PDE3A: variants seen among roughly 807,000 people sequenced by gnomAD.
PDE3A encodes phosphodiesterase 3A.
In PDE3A, 43 loss-of-function variants were observed where a neutral mutation model predicts 98.3. That is an observed-to-expected ratio of 0.44 (90% CI 0.34 to 0.56). The LOEUF is 0.56. Ranked by LOEUF, PDE3A falls within the 20% of genes least tolerant of loss-of-function variation. PDE3A has a pLI of 0.01. For missense variants in PDE3A, 1,427 were observed against 1,440.7 expected, an observed-to-expected ratio of 0.99 and a Z score of 0.15; for synonymous variants, 663 against 567.9, an observed-to-expected ratio of 1.17 and a Z score of -2.38.
rs759905664 is a variant in PDE3A at position 20,613,439 on chromosome 12, T to G, written c.1012-4T>G. ...GCCTGATCTTGTCTTGGTTTGTGTC[T>G]CAGTCTTCAGGAACCAGTATTACTG... On this transcript the variant is annotated splice_region_variant and splice_polypyrimidine_tract_variant and intron_variant, in intron 2 of 15. Transcript: ENST00000359062. 6.2e-7 allele frequency: 1 copy of G among 1,613,986 alleles called. No homozygotes were observed. Among genetic ancestry groups the G allele is most frequent in the Non-Finnish European group, 8.5e-7 (1 of 1,179,874 alleles).
chr12:20,603,557 TATTTA>T (rs1203819601), intron 2 of PDE3A, among the ~76,000 whole-genome samples: 9 of 147,650 alleles, frequency 6.1e-5, no homozygotes, highest in African/African-American at 8.1e-5. Context: ...TTTATTTATT[TATTTA>T]ATTTATTTAT....
intron 2 of PDE3A, among the ~76,000 whole-genome samples, chr12:20,572,598 T>C (rs971034390): frequency 6.6e-6 from 1 of 152,040 alleles, no homozygotes; most frequent in Non-Finnish European, 1.5e-5. Flanking sequence ...TTTTTCCTAT[T>C]TTCCTCGTGG....
At chr12:20,543,260 G>A (rs373727729) in intron 1 of PDE3A, among the ~76,000 whole-genome samples, 1 of 148,644 alleles carries the variant, frequency 6.7e-6, no homozygotes. Flanking sequence ...TGGTTTGTTT[G>A]TTTTTTTTTT....
At chr12:20,671,272 A>G (rs1945472935) in intron 15 of PDE3A, among the ~76,000 whole-genome samples, 3 of 150,426 alleles carry the variant, frequency 2.0e-5, no homozygotes, top group African/African-American at 7.4e-5. Flanking sequence ...CCAGAGGTAC[A>G]AGGAGGAACT....
At chr12:20,600,716 C>G (rs1300671690) in intron 2 of PDE3A, among the ~76,000 whole-genome samples, 4 of 152,152 alleles carry the variant, frequency 2.6e-5, no homozygotes, top group Non-Finnish European at 4.4e-5. Context: ...GTTTTCTGGA[C>G]AGTGCTTATT....
intron 1 of PDE3A, among the ~76,000 whole-genome samples, chr12:20,417,525 G>A (rs750583108): frequency 1.1e-4 from 17 of 152,146 alleles, no homozygotes; most frequent in Non-Finnish European, 2.1e-4. Context: ...CCAAAAGCCT[G>A]GACTTTTGTC....
At chr12:20,567,724 G>T (rs563726342) in intron 2 of PDE3A, among the ~76,000 whole-genome samples, 1 of 151,624 alleles carries the variant, frequency 6.6e-6, no homozygotes, top group South Asian at 2.1e-4. Context: ...TTTACATAAG[G>T]ACTTTAATAG....
At chr12:20,657,033 A>G (rs1945058921) in intron 15 of PDE3A, among the ~76,000 whole-genome samples, 10 of 152,208 alleles carry the variant, frequency 6.6e-5, no homozygotes, top group Admixed American at 6.5e-4. Flanking sequence ...AAGTTAACTG[A>G]CCACATTATA....
In PDE3A at chr12:20,569,761, T is replaced by A. The variant is rs531179128; in HGVS notation, c.1011+13051T>A. Among the ~76,000 whole-genome samples, 13 of 152,266 alleles carry A rather than the reference T, an allele frequency of 8.5e-5. No homozygotes were observed. The East Asian group carries it at 2.3e-3, about 27-fold the overall frequency. ...TTTAATAAAACTTCAGTGTGCAAAG[T>A]ACCTGCGTATTTGTTCATAAGCAAA... On this transcript the variant is annotated intron_variant, in intron 2 of 15. Coordinates refer to ENST00000359062, the MANE Select transcript of PDE3A (RefSeq NM_000921.5).
At chr12:20,567,453 C>G (rs1467141415) in intron 2 of PDE3A, among the ~76,000 whole-genome samples, 1 of 151,906 alleles carries the variant, frequency 6.6e-6, no homozygotes, top group East Asian at 1.9e-4. Context: ...GTCCATGATA[C>G]CTTATTGTAG....
chr12:20,389,067 A>C (rs1482006955), intron 1 of PDE3A, among the ~76,000 whole-genome samples: 6 of 152,060 alleles, frequency 3.9e-5, no homozygotes, highest in African/African-American at 1.4e-4. Context: ...ATATGATAGA[A>C]TCAGAGAATG....
In PDE3A at chr12:20,666,718, T is replaced by C. The variant is rs571219340; in HGVS notation, c.3184+12513T>C. Among the ~76,000 whole-genome samples the C allele has an allele frequency of 5.3e-4, 80 of 152,364 alleles. 1 individual carries two copies. The highest frequency in any genetic ancestry group is 3.4e-3 in the Middle Eastern group (1 of 294). On this transcript the variant is annotated intron_variant, in intron 15 of 15. Transcript: ENST00000359062. ...GGTTGATTCCATATCTTTGCTATTG[T>C]GAAGACTGCTGCAATAAATATGGGG...
At position 20,616,336 on chromosome 12, in the gene PDE3A, G is replaced by A. The variant is rs141325069; in HGVS notation, c.1376G>A (p.Arg459Gln). The change falls in exon 4 of 16, where the codon CGG (arginine) becomes CAG (glutamine). Residue 459 changes from arginine (R) to glutamine (Q), a missense_variant. By Grantham distance (43) the Arg-to-Gln change is conservative. This residue lies in a region of PDE3A where 1,012 missense variants were observed against 886.5 expected (regional missense o/e 1.14). Coordinates refer to ENST00000359062, the MANE Select transcript of PDE3A (RefSeq NM_000921.5). ...GLPTLEPAPV[R>Q]RDRSTSIKLQ... is the part of the protein sequence containing the mutation. ...CCCACCTTGGAGCCTGCACCAGTACGGAGAGACCGCAGCACCAGCATCAAA... is the reference window on the plus strand; with the variant it reads ...CCCACCTTGGAGCCTGCACCAGTACAGAGAGACCGCAGCACCAGCATCAAA... 2.4e-3 allele frequency: 3,924 copies of A among 1,613,874 alleles called. 4 individuals are homozygous for A. The highest frequency in any genetic ancestry group is 3.1e-3 in the Non-Finnish European group (3,646 of 1,179,880).
intron 1 of PDE3A, among the ~76,000 whole-genome samples, chr12:20,387,972 C>G (rs1299432336): frequency 6.6e-6 from 1 of 151,922 alleles, no homozygotes; most frequent in Non-Finnish European, 1.5e-5. Context: ...GTTATTTTTA[C>G]GTACTTTTAT....
intron 1 of PDE3A, among the ~76,000 whole-genome samples, chr12:20,504,936 G>T (rs946458956): frequency 6.6e-6 from 1 of 152,012 alleles, no homozygotes; most frequent in East Asian, 1.9e-4. Flanking sequence ...TTTAGAACAT[G>T]GACATCTTTG....
Position 20,369,847 on chromosome 12 carries a change from T to G in PDE3A, c.563T>G (p.Leu188Arg). The change falls in exon 1 of 16, where the codon CTC becomes CGC. Residue 188 changes from leucine (L) to arginine (R), a missense_variant. Transcript: ENST00000359062. The part of the protein sequence containing the change: ...LGVGEDHLLS[L>R]PAAGVVLSCL... ...GTCGGGGAGGATCACTTACTCTCAC[T>G]CCCCGCCGCGGGGGTGGTGCTCAGC... The G allele has an allele frequency of 6.2e-7, 1 of 1,611,406 alleles. No homozygotes were observed. Among genetic ancestry groups the G allele is most frequent in the Non-Finnish European group, 8.5e-7 (1 of 1,179,204 alleles).
At chr12:20,607,445 A>G (rs1027515920) in intron 2 of PDE3A, among the ~76,000 whole-genome samples, 2 of 151,762 alleles carry the variant, frequency 1.3e-5, no homozygotes, top group African/African-American at 2.4e-5. Flanking sequence ...TCAAAAAAAA[A>G]AAAAAAGAAA....
chr12:20,497,622 A>G (rs1945944281), intron 1 of PDE3A, among the ~76,000 whole-genome samples: 1 of 152,092 alleles, frequency 6.6e-6, no homozygotes, highest in South Asian at 2.1e-4. Flanking sequence ...AAATAAATAA[A>G]TAACTGATAT....
chr12:20,409,044 A>G (rs1944286129), intron 1 of PDE3A, among the ~76,000 whole-genome samples: 1 of 152,116 alleles, frequency 6.6e-6, no homozygotes, highest in South Asian at 2.1e-4. Context: ...AATTCAATGA[A>G]TGAATGGTAA....
Sources: gnomAD v4.1 joint callset for allele counts (sites outside exome capture counted in the v4.1 genomes callset) on GRCh38, gnomAD v4.1.1 for gene constraint, gnomAD v4.1.1 regional missense constraint, MANE v1.5 for transcripts, NCBI Gene and HGNC (gene_info 2026-07-23, HGNC 2026-07-21) for gene names.